The following CAND1 variants were observed in gnomAD, a reference collection of about 807,000 sequenced individuals.
CAND1 encodes the protein cullin-associated NEDD8-dissociated protein 1.
Under a neutral mutation model 108.5 loss-of-function variants are expected in CAND1, and 7 were observed. The ratio of observed to expected loss-of-function variants is 0.06; its 90% confidence interval spans 0.04 to 0.12. The LOEUF (loss-of-function observed/expected upper bound fraction) is 0.12, where lower values mean the gene tolerates loss of function less well. Ranked by LOEUF, CAND1 falls within the 10% of genes least tolerant of loss-of-function variation. The pLI is 1.00. For synonymous variants in CAND1, 534 were observed against 512.0 expected (o/e 1.04, Z -0.58); for missense variants, 941 against 1,448.7 (o/e 0.65, Z 5.69).
intron 14 of CAND1, among the ~76,000 whole-genome samples, chr12:67,312,361 C>A (rs1202179393): frequency 6.6e-6 from 1 of 151,908 alleles, no homozygotes; most frequent in Non-Finnish European, 1.5e-5. Flanking sequence ...GTCCTACTCT[C>A]TTTGTTACAA....
intron 4 of CAND1, among the ~76,000 whole-genome samples, chr12:67,295,501 TC>T (rs2044760972): frequency 6.6e-6 from 1 of 152,220 alleles, no homozygotes; most frequent in African/African-American, 2.4e-5. Context: ...TTACGGATTT[TC>T]CGGTTAAAAG....
At position 67,309,939 on chromosome 12, in the gene CAND1, G is replaced by A; in HGVS notation, c.3064G>A (p.Val1022Met). ...LKTLEDPDLN[V>M]RRVALVTFNS... ...AACTTTGGAAGACCCAGATTTGAAT[G>A]TGAGAAGAGTAGCCTTGGTCACATT... The change falls in exon 12 of 15, where the codon GTG (valine) becomes ATG (methionine). Residue 1022 changes from valine (V) to methionine (M), a missense_variant. By Grantham distance (21) the Val-to-Met change is conservative. Transcript: ENST00000545606. The A allele has an allele frequency of 6.2e-7, 1 of 1,609,946 alleles. No homozygotes were observed. Among genetic ancestry groups the A allele is most frequent in the Middle Eastern group, 1.7e-4 (1 of 6,034 alleles).
intron 2 of CAND1, 45 bp downstream of exon 2, chr12:67,282,098 AC>A: frequency 6.3e-7 from 1 of 1,596,042 alleles, no homozygotes. Context: ...TGCTCCCCCA[AC>A]CCTGTTTTTA....
intron 13 of CAND1, chr12:67,311,299 A>G (rs1471025207): frequency 1.3e-5 from 2 of 152,124 alleles, no homozygotes; most frequent in East Asian, 3.9e-4. Context: ...TGATAGTGGA[A>G]ACTTATTATG....
At position 67,304,075 on chromosome 12, in the gene CAND1, C is replaced by T. The variant is rs533484773; in HGVS notation, c.1294-530C>T. Among the ~76,000 whole-genome samples the T allele has an allele frequency of 1.2e-4, 18 of 151,238 alleles. No individual in the cohort carries two copies. The South Asian group carries it at 3.1e-3, about 26-fold the overall frequency. ...TGCTATCTCGGCTCACTGCAACCTC[C>T]GCCTCCTGGGTTCAAGCGATTCTCC... On this transcript the variant is annotated intron_variant, in intron 8 of 14. Coordinates refer to ENST00000545606, the MANE Select transcript of CAND1 (RefSeq NM_018448.5).
rs1412655474 is a variant in CAND1 at position 67,306,493 on chromosome 12, G to T, written c.2825G>T (p.Cys942Phe). 6.2e-7 allele frequency: 1 copy of T among 1,614,036 alleles called. No homozygotes were observed. Among genetic ancestry groups the T allele is most frequent in the Admixed American group, 1.7e-5 (1 of 60,012 alleles). The change falls in exon 10 of 15, where the codon TGT (cysteine) becomes TTT (phenylalanine). Residue 942 changes from cysteine to phenylalanine, a missense_variant. Around this residue, in one of 9 missense-constraint regions of CAND1, gnomAD observed 106 missense variants for 182.0 expected, o/e 0.58. Coordinates refer to ENST00000545606, the MANE Select transcript of CAND1 (RefSeq NM_018448.5). ...IWALLLKHCE[C>F]AEEGTRNVVA... Reference sequence around the variant, plus strand: ...GCCTTATTACTAAAGCACTGTGAGTGTGCAGAGGAAGGAACCAGAAATGTT... The same window carrying T: ...GCCTTATTACTAAAGCACTGTGAGTTTGCAGAGGAAGGAACCAGAAATGTT...
intron 2 of CAND1, among the ~76,000 whole-genome samples, chr12:67,287,496 G>C (rs879424491): frequency 6.6e-6 from 1 of 152,114 alleles, no homozygotes; most frequent in Non-Finnish European, 1.5e-5. Flanking sequence ...TCTCATACTT[G>C]TTAAAGTCGT....
chr12:67,294,428 T>G (rs1447577225), intron 3 of CAND1, among the ~76,000 whole-genome samples: 1 of 152,112 alleles, frequency 6.6e-6, no homozygotes, highest in Non-Finnish European at 1.5e-5. Context: ...GCATTGGAGC[T>G]CAGAATATAT....
intron 7 of CAND1, among the ~76,000 whole-genome samples, chr12:67,300,703 C>T (rs1396707437): frequency 6.6e-6 from 1 of 152,092 alleles, no homozygotes; most frequent in East Asian, 1.9e-4. Flanking sequence ...ATATAAGTTT[C>T]ATGAAGGCTA....
chr12:67,287,807 A>G (rs928209478), intron 2 of CAND1, among the ~76,000 whole-genome samples: 1 of 147,452 alleles, frequency 6.8e-6, no homozygotes, highest in African/African-American at 2.5e-5. Flanking sequence ...CATCCTACAA[A>G]TTTGGGTATA....
rs375437041 is a variant in CAND1, at chr12:67,284,432, A to C, written c.212+2379A>C. 1.2e-4 allele frequency among the ~76,000 whole-genome samples: 18 copies of C among 152,330 alleles called. No individual in the cohort carries two copies. In the East Asian group the frequency reaches 3.1e-3, roughly 26 times the overall value. On this transcript the variant is annotated intron_variant, in intron 2 of 14. Coordinates refer to ENST00000545606, the MANE Select transcript of CAND1 (RefSeq NM_018448.5). Reference sequence around the variant, plus strand: ...AATACAGTTATTATGTTAGTAGATCAAAGGAGAAAAAACTATCTGGTTAGT... The same window carrying C: ...AATACAGTTATTATGTTAGTAGATCCAAGGAGAAAAAACTATCTGGTTAGT...
At chr12:67,289,200 C>T (rs1592611032) in intron 2 of CAND1, among the ~76,000 whole-genome samples, 1 of 151,872 alleles carries the variant, frequency 6.6e-6, no homozygotes, top group Non-Finnish European at 1.5e-5. Flanking sequence ...TTAAATACAG[C>T]ATTTAAATTT....
Position 67,319,335 on chromosome 12 carries a change from C to G in CAND1, c.*6505C>G, listed in dbSNP as rs1254344154. ...AACTATAAAATATTTCCCTTGCCTT[C>G]TCAAGTTTGCTCAAGGTCAAGTTAT... is the stretch of plus-strand genomic sequence containing the variant. On this transcript the variant is annotated 3_prime_UTR_variant, in exon 15 of 15. Coordinates refer to ENST00000545606, the MANE Select transcript of CAND1 (RefSeq NM_018448.5). The G allele has an allele frequency of 1.3e-5, 2 of 152,198 alleles. No homozygotes were observed. The highest frequency in any genetic ancestry group is 6.5e-5 in the Admixed American group (1 of 15,278). 9.4% of individuals were successfully genotyped at this position (152,198 alleles called of 1,614,324 possible).
In CAND1 at chr12:67,313,003, A is replaced by AT. The variant is rs2044968970; in HGVS notation, c.*176dup. 1.9e-6 allele frequency: 1 copy of AT among 532,278 alleles called. No individual in the cohort carries two copies. Among genetic ancestry groups the AT allele is most frequent in the Non-Finnish European group, 3.3e-6 (1 of 301,896 alleles). The allele number at this position is 532,278 out of a possible 1,614,324, so 33.0% of individuals were successfully genotyped here. A position where few individuals can be genotyped will look rare whatever the true frequency, so the allele number is the denominator to read the frequency against. Reference sequence around the variant, plus strand: ...TTCCATTGTTGTTTTTGTAGCATTTATTTCAGAAATGTGTATTTCCATAAT... The same window carrying AT: ...TTCCATTGTTGTTTTTGTAGCATTTATTTTCAGAAATGTGTATTTCCATAAT... On this transcript the variant is annotated 3_prime_UTR_variant, in exon 15 of 15. Transcript: ENST00000545606.
intron 3 of CAND1, among the ~76,000 whole-genome samples, chr12:67,294,032 A>G (rs1451256058): frequency 2.6e-5 from 4 of 152,236 alleles, no homozygotes; most frequent in East Asian, 1.9e-4. Context: ...GCTTTCTTCA[A>G]TGTATCATAC....
rs199673827 is a variant in CAND1, at chr12:67,317,910, C to T, written c.*5080C>T. On this transcript the variant is annotated 3_prime_UTR_variant, in exon 15 of 15. Coordinates refer to ENST00000545606, the MANE Select transcript of CAND1 (RefSeq NM_018448.5). ...ATCTAAAGCTGAAGTCATCATCTTG[C>T]CCTGGTTTTTCCTGTCTCTTTGCTG... 1.3e-5 allele frequency: 2 copies of T among 152,244 alleles called. No homozygotes were observed. The highest frequency in any genetic ancestry group is 3.9e-4 in the East Asian group (2 of 5,190). The allele number at this position is 152,244 out of a possible 1,614,324, so 9.4% of individuals were successfully genotyped here. A position where few individuals can be genotyped will look rare whatever the true frequency, so the allele number is the denominator to read the frequency against.
chr12:67,299,398 A>G (rs934175719), intron 7 of CAND1, among the ~76,000 whole-genome samples: 1 of 152,154 alleles, frequency 6.6e-6, no homozygotes, highest in African/African-American at 2.4e-5. Context: ...ACAGAAAAAA[A>G]TCTGTATATT....
At chr12:67,280,644 A>G (rs1412255672) in intron 1 of CAND1, among the ~76,000 whole-genome samples, 1 of 152,192 alleles carries the variant, frequency 6.6e-6, no homozygotes, top group Non-Finnish European at 1.5e-5. Flanking sequence ...TTAGGGCTTT[A>G]TTTGAATGTG....
chr12:67,297,941 G>A (rs1390372201), intron 6 of CAND1, 88 bp downstream of exon 6: 23 of 641,488 alleles, frequency 3.6e-5, no homozygotes, highest in Non-Finnish European at 4.7e-5. Context: ...GAGGAGAAGC[G>A]GCCTTTTGGA....
Sources: allele counts gnomAD v4.1 joint callset (sites outside exome capture counted in the v4.1 genomes callset), GRCh38; gene constraint gnomAD v4.1.1; regional missense constraint gnomAD v4.1.1; transcripts MANE v1.5; gene names NCBI Gene and HGNC (gene_info 2026-07-23, HGNC 2026-07-21).